EDA2R: variants seen among roughly 807,000 people sequenced by gnomAD.
EDA2R encodes the protein ectodysplasin A2 receptor.
EDA2R carries 26 observed loss-of-function variants against 20.1 expected under a neutral mutation model. That is an observed-to-expected ratio of 1.30 (90% CI 0.95 to 1.80). The LOEUF (loss-of-function observed/expected upper bound fraction) is 1.80. Among genes scored for constraint, EDA2R ranks in the 40% most tolerant of loss-of-function variants. The pLI is 0.00. For missense variants in EDA2R, 277 were observed against 228.7 expected, an observed-to-expected ratio of 1.21 and a Z score of -1.36; for synonymous variants, 114 against 88.7, an observed-to-expected ratio of 1.29 and a Z score of -1.60.
intron 5 of EDA2R, among the ~76,000 whole-genome samples, chrX:66,600,948 A>G (rs1279973483): frequency 1.8e-5 from 2 of 112,196 alleles, no homozygotes; most frequent in Admixed American, 9.4e-5. Context: ...TCCCCTTTAG[A>G]TAAGGGATGT....
Position 66,602,672 on chromosome X carries a change from G to A in EDA2R, c.478C>T (p.Leu160Phe). The A allele has an allele frequency of 8.3e-7, 1 of 1,201,955 alleles. No homozygotes were observed. Among genetic ancestry groups the A allele is most frequent in the Non-Finnish European group, 1.1e-6 (1 of 890,378 alleles). The change falls in exon 5 of 7, where the codon CTC becomes TTC. Residue 160 changes from leucine (L) to phenylalanine (F), a missense_variant. Physicochemically the swap from Leu to Phe is conservative, Grantham distance 22. Coordinates refer to ENST00000374719, the MANE Select transcript of EDA2R (RefSeq NM_021783.5). ...CTGTTGAAGAACTGCTTGCAGTAGAGGAAGAAGAGCCCCAGGAAGGCCAGG... is the reference window on the plus strand; with the variant it reads ...CTGTTGAAGAACTGCTTGCAGTAGAAGAAGAAGAGCCCCAGGAAGGCCAGG... ...FTLAFLGLFF[L>F]YCKQFFNRHC... is the part of the protein sequence containing the mutation.
chrX:66,603,181 A>G (rs1928970385), intron 4 of EDA2R, among the ~76,000 whole-genome samples: 1 of 111,759 alleles, frequency 8.9e-6, no homozygotes, highest in South Asian at 3.7e-4. Flanking sequence ...GCCTTTATGG[A>G]TCAATATAAA....
chrX:66,604,925 G>A, intron 3 of EDA2R, 123 bp downstream of exon 3: 1 of 654,695 alleles, frequency 1.5e-6, no homozygotes, highest in Non-Finnish European at 2.3e-6. Flanking sequence ...TCTTCTGGGA[G>A]CTTAAACTGA....
intron 1 of EDA2R, among the ~76,000 whole-genome samples, chrX:66,628,912 C>T (rs1933423798): frequency 9.0e-6 from 1 of 111,115 alleles, no homozygotes; most frequent in South Asian, 3.8e-4. Context: ...AGACTAATAT[C>T]CCTGATGAAC....
chrX:66,611,443 A>G lies in EDA2R; in HGVS notation c.87+4491T>C, dbSNP rs1329543680. ...CACCCATAATAAAAATGTTTTAAAA[A>G]ACAATTTAAAATTCTCTTAAAAATA... On this transcript the variant is annotated intron_variant, in intron 2 of 6. Transcript: ENST00000374719. 6.2e-5 allele frequency among the ~76,000 whole-genome samples: 7 copies of G among 112,315 alleles called. No homozygotes were observed. In the Admixed American group the frequency reaches 6.6e-4, roughly 11 times the overall value.
chrX:66,603,599 A>T (rs1465354403), intron 4 of EDA2R, among the ~76,000 whole-genome samples: 1 of 111,937 alleles, frequency 8.9e-6, no homozygotes, highest in African/African-American at 3.2e-5. Flanking sequence ...TAGTAAAAAA[A>T]AAATAAACTT....
At chrX:66,622,500 C>A (rs186535995) in intron 1 of EDA2R, among the ~76,000 whole-genome samples, 3 of 111,594 alleles carry the variant, frequency 2.7e-5, no homozygotes, top group Non-Finnish European at 5.6e-5. Context: ...GAACTCAGTA[C>A]TTCAGGATAT....
intron 1 of EDA2R, among the ~76,000 whole-genome samples, chrX:66,631,020 CAT>C (rs753989101): frequency 4.5e-4 from 49 of 108,643 alleles, no homozygotes; most frequent in Non-Finnish European, 4.4e-4. Flanking sequence ...TGTATATATA[CAT>C]ATACACACAC....
intron 4 of EDA2R, among the ~76,000 whole-genome samples, chrX:66,603,849 G>A (rs1170921867): frequency 8.9e-6 from 1 of 111,944 alleles, no homozygotes; most frequent in East Asian, 2.8e-4. Flanking sequence ...CTGGGTGATT[G>A]CATTTTAATT....
intron 1 of EDA2R, among the ~76,000 whole-genome samples, chrX:66,625,119 T>C (rs1290950802): frequency 9.0e-6 from 1 of 111,149 alleles, no homozygotes; most frequent in East Asian, 2.8e-4. Flanking sequence ...GAAAAGGAAG[T>C]CTCCAGCTGA....
At chrX:66,604,698 T>C (rs1929330736) in intron 3 of EDA2R, among the ~76,000 whole-genome samples, 192 bp from the exon 4 acceptor site, 1 of 111,757 alleles carries the variant, frequency 8.9e-6, no homozygotes, top group African/African-American at 3.3e-5. Context: ...CCCCCATTCA[T>C]GACACCATGT....
intron 4 of EDA2R, among the ~76,000 whole-genome samples, chrX:66,603,180 G>A (rs1928969665): frequency 9.0e-6 from 1 of 111,301 alleles, no homozygotes; most frequent in Admixed American, 9.5e-5. Context: ...GGCCTTTATG[G>A]ATCAATATAA....
At chrX:66,602,895 T>C in intron 4 of EDA2R, 98 bp from the exon 5 acceptor site, 1 of 807,293 alleles carries the variant, frequency 1.2e-6, no homozygotes, top group Non-Finnish European at 1.7e-6. Context: ...CCCTTCTCCC[T>C]AGGGCCTTCC....
intron 2 of EDA2R, among the ~76,000 whole-genome samples, chrX:66,607,488 C>A: frequency 9.0e-6 from 1 of 111,046 alleles, no homozygotes; most frequent in East Asian, 2.8e-4. Context: ...GTGGCATGCA[C>A]CTGTGGTCCC....
In EDA2R at chrX:66,602,583, A is replaced by G. The variant is rs781332932; in HGVS notation, c.517+50T>C. The G allele has an allele frequency of 4.3e-5, 49 of 1,136,340 alleles. No individual in the cohort carries two copies. The Admixed American group carries it at 1.3e-3, about 30-fold the overall frequency. The allele number at this position is 1,136,340 out of a possible 1,213,427, so 93.6% of individuals were successfully genotyped here. On this transcript the variant is annotated intron_variant, in intron 5 of 6. Coordinates refer to ENST00000374719, the MANE Select transcript of EDA2R (RefSeq NM_021783.5). ...CCCAGAACATCCCTCTCTTCTGCCAATAAGAGCCTTGTTCCTGATTCATGT... is the reference window on the plus strand; with the variant it reads ...CCCAGAACATCCCTCTCTTCTGCCAGTAAGAGCCTTGTTCCTGATTCATGT...
chrX:66,599,885 T>C (rs1928231547), intron 5 of EDA2R, 25 bp from the exon 6 acceptor site: 1 of 1,192,466 alleles, frequency 8.4e-7, no homozygotes, highest in South Asian at 1.9e-5. Flanking sequence ...AGAAAGCCAC[T>C]GGGTTACCCA....
At chrX:66,637,637 A>G (rs1020850716) in intron 1 of EDA2R, among the ~76,000 whole-genome samples, 2 of 111,710 alleles carry the variant, frequency 1.8e-5, no homozygotes, top group African/African-American at 6.5e-5. Flanking sequence ...AGTTGTTCCT[A>G]TTTTCTCTGC....
chrX:66,623,860 C>T (rs1274703895), intron 1 of EDA2R, among the ~76,000 whole-genome samples: 1 of 112,401 alleles, frequency 8.9e-6, no homozygotes, highest in East Asian at 2.8e-4. Context: ...AAATTTTCAC[C>T]TTCTTTCCAG....
At chrX:66,630,858 C>T (rs988697991) in intron 1 of EDA2R, among the ~76,000 whole-genome samples, 2 of 105,165 alleles carry the variant, frequency 1.9e-5, no homozygotes, top group South Asian at 4.0e-4. Flanking sequence ...CACAAACACA[C>T]GTATATATAT....
Sources: allele counts gnomAD v4.1 joint callset (sites outside exome capture counted in the v4.1 genomes callset), GRCh38; gene constraint gnomAD v4.1.1; transcripts MANE v1.5; gene names NCBI Gene and HGNC (gene_info 2026-07-23, HGNC 2026-07-21).